NDUFS4: variants seen among roughly 807,000 people sequenced by gnomAD.
The protein encoded by NDUFS4 is NADH:ubiquinone oxidoreductase subunit S4.
A neutral mutation model predicts 24.3 loss-of-function variants in NDUFS4; 28 were observed. The ratio of observed to expected loss-of-function variants is 1.15; its 90% CI spans 0.85 to 1.58. The LOEUF is 1.58. Ranked by LOEUF, NDUFS4 falls within the 40% of genes most tolerant of loss-of-function variation. NDUFS4 has a pLI of 0.00. For synonymous variants in NDUFS4, 93 were observed against 69.7 expected (o/e 1.34, Z -1.67); for missense variants, 223 against 207.9 (o/e 1.07, Z -0.45).
intron 1 of NDUFS4, among the ~76,000 whole-genome samples, chr5:53,567,225 G>A (rs1003722332): frequency 1.3e-5 from 2 of 152,166 alleles, no homozygotes; most frequent in African/African-American, 4.8e-5. Context: ...ACTGTAGTCT[G>A]ATATAGCAGT....
At chr5:53,579,101 A>G (rs1438928799) in intron 1 of NDUFS4, among the ~76,000 whole-genome samples, 1 of 152,136 alleles carries the variant, frequency 6.6e-6, no homozygotes, top group African/African-American at 2.4e-5. Flanking sequence ...GACCTTTACC[A>G]TCCAAAGAGA....
At chr5:53,571,657 G>C (rs1749212276) in intron 1 of NDUFS4, among the ~76,000 whole-genome samples, 1 of 152,116 alleles carries the variant, frequency 6.6e-6, no homozygotes, top group South Asian at 2.1e-4. Context: ...AGTGAATGAG[G>C]GTTCCAGTGT....
At chr5:53,596,620 T>C (rs1750139463) in intron 1 of NDUFS4, among the ~76,000 whole-genome samples, 1 of 152,232 alleles carries the variant, frequency 6.6e-6, no homozygotes, top group South Asian at 2.1e-4. Flanking sequence ...TTCAAAGGTT[T>C]AATATCAACA....
intron 3 of NDUFS4, among the ~76,000 whole-genome samples, chr5:53,656,880 A>C (rs755862489): frequency 1.3e-5 from 2 of 152,166 alleles, no homozygotes; most frequent in Admixed American, 6.6e-5. Flanking sequence ...ACTGGTGGTG[A>C]CAGCATACCT....
At chr5:53,560,830 G>C (rs763964357) in intron 1 of NDUFS4, 70 bp downstream of exon 1, 278 of 1,607,772 alleles carry the variant, frequency 1.7e-4, no homozygotes, top group Non-Finnish European at 2.2e-4. Context: ...TCTGCTGGCT[G>C]AGTTCCGGAG....
At chr5:53,680,264 A>G (rs1740616793) in intron 4 of NDUFS4, among the ~76,000 whole-genome samples, 1 of 152,154 alleles carries the variant, frequency 6.6e-6, no homozygotes, top group Non-Finnish European at 1.5e-5. Flanking sequence ...AAATTTCAAT[A>G]AAAATACATT....
At chr5:53,679,482 T>C (rs1370953137) in intron 4 of NDUFS4, among the ~76,000 whole-genome samples, 1 of 152,170 alleles carries the variant, frequency 6.6e-6, no homozygotes, top group Non-Finnish European at 1.5e-5. Context: ...ACTCCTTAGT[T>C]ACCAGGGGAA....
chr5:53,593,693 A>G (rs1398855346), intron 1 of NDUFS4, among the ~76,000 whole-genome samples: 3 of 151,636 alleles, frequency 2.0e-5, no homozygotes, highest in Admixed American at 2.0e-4. Flanking sequence ...CAGAGCTATA[A>G]GTTTTTCTCT....
At chr5:53,649,758 G>A (rs1225839455) in intron 3 of NDUFS4, among the ~76,000 whole-genome samples, 1 of 152,188 alleles carries the variant, frequency 6.6e-6, no homozygotes, top group Non-Finnish European at 1.5e-5. Flanking sequence ...TCTCCATACT[G>A]TATTCCATAG....
At chr5:53,654,184 A>T (rs1462649744) in intron 3 of NDUFS4, among the ~76,000 whole-genome samples, 4 of 146,692 alleles carry the variant, frequency 2.7e-5, no homozygotes, top group East Asian at 1.9e-4. Flanking sequence ...ACCAATAATT[A>T]AAAAAAATCA....
Position 53,683,115 on chromosome 5 carries a change from T to A in NDUFS4, c.425-3T>A, listed in dbSNP as rs371718997. 3.1e-5 allele frequency: 49 copies of A among 1,581,222 alleles called. No homozygotes were observed. The highest frequency in any genetic ancestry group is 2.7e-5 in the Non-Finnish European group (31 of 1,150,560). On this transcript the variant is annotated splice_polypyrimidine_tract_variant and splice_region_variant and intron_variant, in intron 4 of 4. Coordinates refer to ENST00000296684, the MANE Select transcript of NDUFS4 (RefSeq NM_002495.4). ...TGGATTTGTCTTTGTTTTTTCCTCCTAGGATGGAGCTATGACATTGAAGAG... is the reference window on the plus strand; with the variant it reads ...TGGATTTGTCTTTGTTTTTTCCTCCAAGGATGGAGCTATGACATTGAAGAG...
In NDUFS4 at chr5:53,618,386, A is replaced by G. The variant is rs115288222; in HGVS notation, c.177+14856A>G. On this transcript the variant is annotated intron_variant, in intron 2 of 4. Coordinates refer to ENST00000296684, the MANE Select transcript of NDUFS4 (RefSeq NM_002495.4). ...CTGGAGAGAGAAGCAAGCTGGAATT[A>G]TAATTATTATTCTTAATCAGTTTTG... 1.9e-3 allele frequency among the ~76,000 whole-genome samples: 244 copies of G among 125,684 alleles called. 1 individual carries two copies. Among genetic ancestry groups the G allele is most frequent in the African/African-American group, 6.1e-3 (234 of 38,540 alleles). The allele number at this position is 125,684 out of a possible 152,430, so 82.5% of individuals were successfully genotyped here. A position where few individuals can be genotyped will look rare whatever the true frequency, so the allele number is the denominator to read the frequency against.
At chr5:53,630,321 T>G (rs1751372218) in intron 2 of NDUFS4, among the ~76,000 whole-genome samples, 1 of 152,154 alleles carries the variant, frequency 6.6e-6, no homozygotes, top group Non-Finnish European at 1.5e-5. Context: ...CATTTTTTCT[T>G]CATTTCAACC....
chr5:53,634,911 G>T (rs536122633), intron 2 of NDUFS4, among the ~76,000 whole-genome samples: 1 of 152,140 alleles, frequency 6.6e-6, no homozygotes, highest in South Asian at 2.1e-4. Context: ...AAATCTGGCT[G>T]GGTGTGGTGG....
chr5:53,605,286 G>A (rs1176534130), intron 2 of NDUFS4, among the ~76,000 whole-genome samples: 1 of 152,182 alleles, frequency 6.6e-6, no homozygotes, highest in Non-Finnish European at 1.5e-5. Flanking sequence ...TTCACATCCT[G>A]TGTGTTCATT....
At chr5:53,654,926 T>C (rs1752121947) in intron 3 of NDUFS4, among the ~76,000 whole-genome samples, 1 of 152,198 alleles carries the variant, frequency 6.6e-6, no homozygotes, top group African/African-American at 2.4e-5. Context: ...ATGGTAAGTA[T>C]CTTCACAAAG....
At chr5:53,578,145 T>C (rs1434634901) in intron 1 of NDUFS4, among the ~76,000 whole-genome samples, 1 of 152,232 alleles carries the variant, frequency 6.6e-6, no homozygotes, top group African/African-American at 2.4e-5. Context: ...ACAACATGCA[T>C]CTGAGTTTAT....
intron 3 of NDUFS4, among the ~76,000 whole-genome samples, chr5:53,654,211 ATT>A (rs1752099310): frequency 6.6e-6 from 1 of 152,182 alleles, no homozygotes. Context: ...GGTATTAAGT[ATT>A]AATGTTTTTG....
At chr5:53,658,785 A>C (rs1469183468) in intron 4 of NDUFS4, 161 bp downstream of exon 4, 12 of 118,744 alleles carry the variant, frequency 1.0e-4, no homozygotes, top group East Asian at 2.2e-4. Flanking sequence ...ACCCACCTCC[A>C]AAAAAAAAAA....
Sources: allele counts gnomAD v4.1 joint callset (sites outside exome capture counted in the v4.1 genomes callset), GRCh38; gene constraint gnomAD v4.1.1; transcripts MANE v1.5; gene names NCBI Gene and HGNC (gene_info 2026-07-23, HGNC 2026-07-21).